Variants in RANBP17 observed in about 807,000 individuals in gnomAD.
RANBP17 encodes the protein RAN binding protein 17.
In RANBP17, 158 loss-of-function variants were observed where a neutral mutation model predicts 141.2. The ratio of observed to expected loss-of-function variants is 1.12; its 90% CI spans 0.98 to 1.28. RANBP17 has a LOEUF of 1.28. RANBP17 is among the 50% of genes most tolerant of loss of function. RANBP17 has a pLI of 0.00. For synonymous variants in RANBP17, 430 were observed against 450.0 expected (o/e 0.96, Z 0.56); for missense variants, 1,438 against 1,290.7 (o/e 1.11, Z -1.75).
chr5:171,242,772 G>C lies in RANBP17; in HGVS notation c.2728G>C (p.Val910Leu). 1 of 1,613,456 alleles carries C rather than the reference G, an allele frequency of 6.2e-7. No individual in the cohort carries two copies. The highest frequency in any genetic ancestry group is 8.5e-7 in the Non-Finnish European group (1 of 1,179,562). Residue 910 changes from valine (V) to leucine (L), a missense_variant, in exon 24 of 28, where the codon GTA becomes CTA. Val to Leu is a conservative substitution (Grantham distance 32). Coordinates refer to ENST00000523189, the MANE Select transcript of RANBP17 (RefSeq NM_022897.5). ...MSFIINLEPP[V>L]LMYVLTSISE... ...CTTCATCATCAACTTAGAGCCTCCT[G>C]TACTCATGTATGTTCTCACATCTAT...
intron 13 of RANBP17, among the ~76,000 whole-genome samples, chr5:170,955,273 T>TC (rs1775528537): frequency 1.3e-5 from 2 of 151,952 alleles, no homozygotes; most frequent in South Asian, 4.1e-4. Context: ...TGTTGCCAGT[T>TC]TATAGGTAAC....
intron 5 of RANBP17, among the ~76,000 whole-genome samples, chr5:170,907,347 G>C (rs912741426): frequency 2.0e-5 from 3 of 151,852 alleles, no homozygotes; most frequent in African/African-American, 7.2e-5. Flanking sequence ...AGTAACCCAA[G>C]TAAAATAAGC....
chr5:171,184,267 G>A (rs1158869185), intron 18 of RANBP17, among the ~76,000 whole-genome samples: 1 of 152,188 alleles, frequency 6.6e-6, no homozygotes. Flanking sequence ...TAAAGAAAAT[G>A]TGGTATATAT....
At chr5:171,019,935 A>T (rs1374781701) in intron 14 of RANBP17, among the ~76,000 whole-genome samples, 1 of 152,078 alleles carries the variant, frequency 6.6e-6, no homozygotes, top group African/African-American at 2.4e-5. Context: ...CCCTCTCAAC[A>T]TTGCTTTAGC....
intron 18 of RANBP17, among the ~76,000 whole-genome samples, chr5:171,195,973 T>G (rs146007401): frequency 6.6e-6 from 1 of 152,332 alleles, no homozygotes; most frequent in East Asian, 1.9e-4. Flanking sequence ...AGCTGTTATT[T>G]AGTCAATCCA....
chr5:171,137,484 C>T lies in RANBP17; in HGVS notation c.1711-32646C>T, dbSNP rs142629757. Among the ~76,000 whole-genome samples, 375 of 151,818 alleles carry T rather than the reference C, an allele frequency of 2.5e-3. 2 individuals are homozygous for T. The highest frequency in any genetic ancestry group is 8.7e-3 in the African/African-American group (360 of 41,402). ...ACAGGGTTGTCATTGAAAGTATTGC[C>T]TCATTATATTTCTTAGTGGTCCCTG... is the stretch of plus-strand genomic sequence containing the variant. On this transcript the variant is annotated intron_variant, in intron 14 of 27. Transcript: ENST00000523189.
At chr5:171,241,382 G>A (rs2127996605) in intron 23 of RANBP17, among the ~76,000 whole-genome samples, 1 of 150,742 alleles carries the variant, frequency 6.6e-6, no homozygotes, top group South Asian at 2.1e-4. Context: ...AATTACTTGA[G>A]TAACATAGCC....
intron 24 of RANBP17, among the ~76,000 whole-genome samples, chr5:171,250,216 ATTTG>A (rs1291914288): frequency 3.9e-5 from 6 of 152,214 alleles, no homozygotes; most frequent in South Asian, 2.1e-4. Context: ...TGCTAAGGGA[ATTTG>A]TTTGTTACCA....
At chr5:171,013,203 C>T (rs187016996) in intron 14 of RANBP17, among the ~76,000 whole-genome samples, 211 of 152,266 alleles carry the variant, frequency 1.4e-3, no homozygotes, top group African/African-American at 3.9e-3. Flanking sequence ...AGGATAATCT[C>T]AACATTCATC....
intron 14 of RANBP17, among the ~76,000 whole-genome samples, chr5:171,105,656 TC>T (rs1206167608): frequency 1.3e-5 from 2 of 151,998 alleles, no homozygotes; most frequent in Non-Finnish European, 2.9e-5. Context: ...AGTTTGAAGT[TC>T]CAGTGAACTG....
chr5:171,001,163 TA>T lies in RANBP17; in HGVS notation c.1710+32787del, dbSNP rs376441362. Among the ~76,000 whole-genome samples the T allele has an allele frequency of 1.4e-3, 211 of 152,138 alleles. 1 individual carries two copies. The highest frequency in any genetic ancestry group is 4.7e-3 in the African/African-American group (194 of 41,534). On this transcript the variant is annotated intron_variant, in intron 14 of 27. Transcript: ENST00000523189. ...TTTCTCAGGGCTGCTTCGAGGGGAT[TA>T]GGGGCAGCATGAGAACCTGCAATGG...
chr5:171,047,944 T>C lies in RANBP17; in HGVS notation c.1710+79567T>C, dbSNP rs144752191. Among the ~76,000 whole-genome samples, 51 of 152,324 alleles carry C rather than the reference T, an allele frequency of 3.3e-4. 3 individuals are homozygous for C. The East Asian group carries it at 9.8e-3, about 29-fold the overall frequency. On this transcript the variant is annotated intron_variant, in intron 14 of 27. Coordinates refer to ENST00000523189, the MANE Select transcript of RANBP17 (RefSeq NM_022897.5). ...CTTTTGATATCATATCTGAGAAATC[T>C]TTGACTAATTCTGGTTCACAAATAT...
chr5:171,201,526 A>T (rs909785108), intron 19 of RANBP17, among the ~76,000 whole-genome samples: 1 of 152,366 alleles, frequency 6.6e-6, no homozygotes, highest in African/African-American at 2.4e-5. Flanking sequence ...CCTGCAGGAA[A>T]ATGGAGTTAG....
intron 25 of RANBP17, among the ~76,000 whole-genome samples, chr5:171,279,762 G>A (rs1319045864): frequency 6.6e-6 from 1 of 151,938 alleles, no homozygotes; most frequent in Non-Finnish European, 1.5e-5. Context: ...TAATCCTGCA[G>A]TGACTGTATG....
chr5:171,144,675 T>C, intron 14 of RANBP17, among the ~76,000 whole-genome samples: 1 of 152,212 alleles, frequency 6.6e-6, no homozygotes, highest in East Asian at 1.9e-4. Flanking sequence ...CACAACAGCA[T>C]AGATCAGATT....
At chr5:170,890,166 C>T (rs1176893516) in intron 3 of RANBP17, among the ~76,000 whole-genome samples, 1 of 152,146 alleles carries the variant, frequency 6.6e-6, no homozygotes, top group Non-Finnish European at 1.5e-5. Flanking sequence ...CTACTACCCA[C>T]ATAGGGTTTG....
At chr5:171,171,310 ACATTATGTGTAAACAAC>A in intron 16 of RANBP17, 24 bp downstream of exon 16, 1 of 1,313,406 alleles carries the variant, frequency 7.6e-7, no homozygotes, top group East Asian at 2.3e-5. Context: ...TGTATATCTG[ACATTATGTGTAAACAAC>A]CTAGCAGATG....
chr5:170,888,348 T>C (rs1008471885), intron 3 of RANBP17, among the ~76,000 whole-genome samples: 1 of 152,234 alleles, frequency 6.6e-6, no homozygotes, highest in Non-Finnish European at 1.5e-5. Flanking sequence ...TAGGAACATG[T>C]AATATGTATT....
chr5:171,104,170 T>C (rs140016188), intron 14 of RANBP17, among the ~76,000 whole-genome samples: 326 of 152,282 alleles, frequency 2.1e-3, no homozygotes, highest in Non-Finnish European at 3.6e-3. Context: ...TTCGAGTAGC[T>C]GGGGTTACAG....
Sources: allele counts gnomAD v4.1 joint callset (sites outside exome capture counted in the v4.1 genomes callset), GRCh38; gene constraint gnomAD v4.1.1; transcripts MANE v1.5; gene names NCBI Gene and HGNC (gene_info 2026-07-23, HGNC 2026-07-21).